SPIDR: variants seen among roughly 807,000 people sequenced by gnomAD.
SPIDR encodes DNA repair-scaffolding protein.
Under a neutral mutation model 104.6 loss-of-function variants are expected in SPIDR, and 93 were observed. That is an observed-to-expected ratio of 0.89 (90% CI 0.75 to 1.06). The LOEUF (loss-of-function observed/expected upper bound fraction) is 1.06, where lower values mean the gene tolerates loss of function less well. Among genes scored for constraint, SPIDR ranks in the 50% least tolerant of loss-of-function variants. The pLI is 0.00. For missense variants in SPIDR, 1,154 were observed against 1,111.2 expected (o/e 1.04, Z -0.55); for synonymous variants, 431 against 416.9 (o/e 1.03, Z -0.41).
At chr8:47,490,710 G>A (rs531835928) in intron 8 of SPIDR, among the ~76,000 whole-genome samples, 3 of 152,266 alleles carry the variant, frequency 2.0e-5, no homozygotes, top group Admixed American at 2.0e-4. Flanking sequence ...CATGGGTGAA[G>A]CTGGAAACCA....
intron 10 of SPIDR, among the ~76,000 whole-genome samples, chr8:47,654,689 A>G (rs532101940): frequency 6.6e-6 from 1 of 152,280 alleles, no homozygotes; most frequent in South Asian, 2.1e-4. Context: ...ACACTCATAT[A>G]AGACATTATC....
chr8:47,735,745 A>C lies in SPIDR; in HGVS notation c.*295A>C, dbSNP rs1473357084. On this transcript the variant is annotated 3_prime_UTR_variant, in exon 20 of 20. Coordinates refer to ENST00000297423, the MANE Select transcript of SPIDR (RefSeq NM_001080394.4). ...TTTGGTATTTAGGCAATATATGAGAAAAAAATTTTTTTTGTTCATTTGTAA... is the reference window on the plus strand; with the variant it reads ...TTTGGTATTTAGGCAATATATGAGACAAAAATTTTTTTTGTTCATTTGTAA... The C allele has an allele frequency of 4.8e-6, 3 of 619,282 alleles. No homozygotes were observed. The highest frequency in any genetic ancestry group is 3.7e-5 in the African/African-American group (2 of 54,114). The allele number at this position is 619,282 out of a possible 1,614,324, so 38.4% of individuals were successfully genotyped here. A position where few individuals can be genotyped will look rare whatever the true frequency, so the allele number is the denominator to read the frequency against.
Position 47,370,439 on chromosome 8 carries a change from A to ATTT in SPIDR, c.526-25914_526-25912dup, listed in dbSNP as rs34220804. On this transcript the variant is annotated intron_variant, in intron 5 of 19. Transcript: ENST00000297423. Reference sequence around the variant, plus strand: ...GCTTTCAGTAAGTGAAGAGGTCAAGATTTTTTTTTTTTTTTTTTTTTTTTT... The same window carrying ATTT: ...GCTTTCAGTAAGTGAAGAGGTCAAGATTTTTTTTTTTTTTTTTTTTTTTTTTTT... 3.5e-3 allele frequency among the ~76,000 whole-genome samples: 347 copies of ATTT among 99,070 alleles called. 6 individuals are homozygous for ATTT. The highest frequency in any genetic ancestry group is 0.011 in the African/African-American group (261 of 23,160). 65.0% of individuals were successfully genotyped at this position (99,070 alleles called of 152,430 possible). A position where few individuals can be genotyped will look rare whatever the true frequency, so the allele number is the denominator to read the frequency against.
At chr8:47,696,820 G>C (rs1195984592) in intron 11 of SPIDR, among the ~76,000 whole-genome samples, 2 of 152,252 alleles carry the variant, frequency 1.3e-5, no homozygotes, top group African/African-American at 2.4e-5. Context: ...GGAGGAAGAT[G>C]AAGCTGAGAG....
intron 16 of SPIDR, among the ~76,000 whole-genome samples, chr8:47,719,092 T>C (rs192570889): frequency 1.4e-4 from 21 of 152,228 alleles, no homozygotes; most frequent in African/African-American, 4.8e-4. Flanking sequence ...ACAGGCACCA[T>C]TGGTTTGCCA....
At chr8:47,412,201 G>A (rs2063630285) in intron 7 of SPIDR, among the ~76,000 whole-genome samples, 1 of 152,154 alleles carries the variant, frequency 6.6e-6, no homozygotes, top group Non-Finnish European at 1.5e-5. Flanking sequence ...GAAAGTCATT[G>A]GTAGCTTGAT....
intron 8 of SPIDR, among the ~76,000 whole-genome samples, chr8:47,499,060 T>C (rs1404468313): frequency 1.3e-4 from 20 of 152,190 alleles, no homozygotes. Context: ...TCTAACTGTT[T>C]AGCAAAAGAA....
intron 5 of SPIDR, among the ~76,000 whole-genome samples, chr8:47,312,862 A>C (rs1275166069): frequency 1.3e-5 from 2 of 152,166 alleles, no homozygotes; most frequent in Non-Finnish European, 2.9e-5. Flanking sequence ...TAGGTCTAAC[A>C]TTTAAGTCTT....
intron 8 of SPIDR, among the ~76,000 whole-genome samples, chr8:47,552,366 T>C (rs911162177): frequency 1.3e-5 from 2 of 152,192 alleles, no homozygotes; most frequent in African/African-American, 4.8e-5. Flanking sequence ...ATATTTACAG[T>C]GGGGTGTTAA....
intron 5 of SPIDR, among the ~76,000 whole-genome samples, chr8:47,389,357 C>T (rs369721887): frequency 3.3e-5 from 5 of 152,098 alleles, no homozygotes; most frequent in Non-Finnish European, 4.4e-5. Context: ...TCATCATTTG[C>T]GCAAAGTAAT....
At chr8:47,422,550 T>G (rs530541387) in intron 7 of SPIDR, among the ~76,000 whole-genome samples, 24 of 152,360 alleles carry the variant, frequency 1.6e-4, no homozygotes, top group Admixed American at 2.6e-4. Flanking sequence ...TGACCCCTTG[T>G]GCTTCCCGGG....
At chr8:47,319,427 G>A (rs527343118) in intron 5 of SPIDR, among the ~76,000 whole-genome samples, 1 of 152,288 alleles carries the variant, frequency 6.6e-6, no homozygotes, top group East Asian at 1.9e-4. Context: ...CAATACGGGA[G>A]CACCCAGATT....
At chr8:47,659,720 C>G (rs1563454821) in intron 10 of SPIDR, 2 of 985,160 alleles carry the variant, frequency 2.0e-6, no homozygotes, top group Admixed American at 1.2e-4. Context: ...CCCATGCTCC[C>G]TTTTTTTCTC....
chr8:47,538,342 G>A (rs1374157960), intron 8 of SPIDR, among the ~76,000 whole-genome samples: 2 of 152,094 alleles, frequency 1.3e-5, no homozygotes, highest in Admixed American at 1.3e-4. Flanking sequence ...TCAGGAGTTC[G>A]AGACCGGCCT....
At chr8:47,624,517 A>G (rs1161302077) in intron 10 of SPIDR, among the ~76,000 whole-genome samples, 2 of 152,228 alleles carry the variant, frequency 1.3e-5, no homozygotes, top group African/African-American at 2.4e-5. Context: ...AAAAGAGAGA[A>G]GAATCAAAGA....
At chr8:47,562,062 TTG>T (rs1457713331) in intron 8 of SPIDR, among the ~76,000 whole-genome samples, 1 of 152,218 alleles carries the variant, frequency 6.6e-6, no homozygotes, top group Admixed American at 6.5e-5. Context: ...TTTGTTTCTC[TTG>T]TCTCTTTTAT....
At chr8:47,721,378 T>C (rs527763699) in intron 16 of SPIDR, among the ~76,000 whole-genome samples, 6 of 152,334 alleles carry the variant, frequency 3.9e-5, no homozygotes, top group Admixed American at 3.3e-4. Context: ...ATGTCTTTGT[T>C]CCTTTGTCAA....
At chr8:47,469,181 GTCAA>G (rs2075319333) in intron 8 of SPIDR, among the ~76,000 whole-genome samples, 1 of 152,110 alleles carries the variant, frequency 6.6e-6, no homozygotes. Context: ...TTATTAAAAA[GTCAA>G]AAAAATAACA....
chr8:47,723,424 CTTTTT>C (rs1172759816), intron 16 of SPIDR, among the ~76,000 whole-genome samples: 1 of 129,398 alleles, frequency 7.7e-6, no homozygotes, highest in African/African-American at 2.9e-5. Flanking sequence ...ATCAATTATA[CTTTTT>C]TTTTTTTTTT....
Sources: gnomAD v4.1 joint callset for allele counts (sites outside exome capture counted in the v4.1 genomes callset) on GRCh38, gnomAD v4.1.1 for gene constraint, MANE v1.5 for transcripts, NCBI Gene and HGNC (gene_info 2026-07-23, HGNC 2026-07-21) for gene names.